DPP10: variants seen among roughly 807,000 people sequenced by gnomAD.
DPP10 encodes the protein dipeptidyl peptidase like 10.
DPP10 carries 33 observed loss-of-function variants against 120.9 expected under a neutral mutation model. The observed-to-expected ratio is 0.27, with a 90% CI of 0.21 to 0.37. The LOEUF is 0.37. Among genes scored for constraint, DPP10 ranks in the 10% least tolerant of loss-of-function variants. The pLI is 1.00. For synonymous variants in DPP10, 337 were observed against 326.1 expected (o/e 1.03, Z -0.36); for missense variants, 816 against 942.8 (o/e 0.87, Z 1.76).
At chr2:115,708,863 G>C (rs75405336) in intron 7 of DPP10, among the ~76,000 whole-genome samples, 1 of 151,846 alleles carries the variant, frequency 6.6e-6, no homozygotes, top group Non-Finnish European at 1.5e-5. Flanking sequence ...ACTACACCTG[G>C]ATATGATGAA....
chr2:115,780,501 T>C (rs1344737204), intron 15 of DPP10, among the ~76,000 whole-genome samples: 2 of 151,850 alleles, frequency 1.3e-5, no homozygotes, highest in African/African-American at 4.8e-5. Flanking sequence ...GTATTAAACA[T>C]TGAATAATCT....
At chr2:114,958,657 A>G (rs1480995427) in intron 1 of DPP10, among the ~76,000 whole-genome samples, 1 of 152,186 alleles carries the variant, frequency 6.6e-6, no homozygotes, top group Non-Finnish European at 1.5e-5. Context: ...TACAATTATT[A>G]TTTGTAAATT....
chr2:114,626,324 A>T (rs1221148944), intron 1 of DPP10, among the ~76,000 whole-genome samples: 3 of 152,066 alleles, frequency 2.0e-5, no homozygotes, highest in Non-Finnish European at 4.4e-5. Flanking sequence ...AATCATTTGC[A>T]ATAGTTCTTC....
intron 1 of DPP10, among the ~76,000 whole-genome samples, chr2:115,019,933 A>G (rs1328068299): frequency 2.0e-5 from 3 of 152,356 alleles, no homozygotes; most frequent in Non-Finnish European, 4.4e-5. Context: ...TAAATGAAGG[A>G]AAGATACAGT....
chr2:114,803,196 T>C (rs1202069612), intron 1 of DPP10, among the ~76,000 whole-genome samples: 1 of 152,218 alleles, frequency 6.6e-6, no homozygotes, highest in East Asian at 1.9e-4. Context: ...GTCACCACCA[T>C]GTAAGAAGTG....
intron 1 of DPP10, among the ~76,000 whole-genome samples, chr2:115,103,091 T>A: frequency 6.6e-6 from 1 of 152,120 alleles, no homozygotes; most frequent in South Asian, 2.1e-4. Flanking sequence ...CAGAAATAAC[T>A]TAATACATAA....
At chr2:115,230,997 A>G (rs1482914643) in intron 1 of DPP10, among the ~76,000 whole-genome samples, 1 of 152,032 alleles carries the variant, frequency 6.6e-6, no homozygotes, top group Admixed American at 6.6e-5. Context: ...ACAGATAAGA[A>G]AACACACTTC....
At chr2:114,751,393 C>T (rs1193145198) in intron 1 of DPP10, among the ~76,000 whole-genome samples, 3 of 152,198 alleles carry the variant, frequency 2.0e-5, no homozygotes, top group Admixed American at 2.0e-4. Flanking sequence ...GGTTTAAATG[C>T]TCAGCGTTCA....
chr2:114,589,403 C>T (rs1028429709), intron 1 of DPP10, among the ~76,000 whole-genome samples: 3 of 152,138 alleles, frequency 2.0e-5, no homozygotes, highest in South Asian at 2.1e-4. Flanking sequence ...ACAGATATAA[C>T]GTGAATTCTG....
chr2:115,480,049 A>C (rs2075333202), intron 3 of DPP10, among the ~76,000 whole-genome samples: 1 of 152,150 alleles, frequency 6.6e-6, no homozygotes, highest in African/African-American at 2.4e-5. Flanking sequence ...GCTGCAGGCC[A>C]TAACCAGGTC....
At chr2:115,675,300 A>C (rs1310314032) in intron 5 of DPP10, among the ~76,000 whole-genome samples, 7 of 152,208 alleles carry the variant, frequency 4.6e-5, no homozygotes, top group Non-Finnish European at 1.0e-4. Flanking sequence ...CATATTAATT[A>C]AAAACCTGAA....
At chr2:115,817,020 G>A (rs915648046) in intron 21 of DPP10, among the ~76,000 whole-genome samples, 3 of 151,480 alleles carry the variant, frequency 2.0e-5, no homozygotes, top group Non-Finnish European at 4.4e-5. Flanking sequence ...AGGCCAAGGC[G>A]GGAGGATCAT....
intron 7 of DPP10, among the ~76,000 whole-genome samples, chr2:115,721,789 G>C (rs1474329728): frequency 6.6e-6 from 1 of 152,140 alleles, no homozygotes; most frequent in Admixed American, 6.6e-5. Context: ...GAATCTCAAA[G>C]AGTTATTAGC....
chr2:115,221,363 G>C (rs1377817800), intron 1 of DPP10, among the ~76,000 whole-genome samples: 1 of 152,064 alleles, frequency 6.6e-6, no homozygotes, highest in Non-Finnish European at 1.5e-5. Flanking sequence ...ATTCAGGTTT[G>C]TTGCTTTTGC....
intron 5 of DPP10, among the ~76,000 whole-genome samples, chr2:115,571,067 G>A (rs975678584): frequency 2.0e-5 from 3 of 152,196 alleles, no homozygotes; most frequent in Non-Finnish European, 4.4e-5. Flanking sequence ...AAGAAGCCAG[G>A]ACGAGTTCCT....
At chr2:115,466,364 T>TG in intron 3 of DPP10, among the ~76,000 whole-genome samples, 1 of 152,174 alleles carries the variant, frequency 6.6e-6, no homozygotes, top group East Asian at 1.9e-4. Context: ...GAACACAATT[T>TG]GAGAAATGTT....
intron 1 of DPP10, among the ~76,000 whole-genome samples, chr2:115,116,628 G>C (rs2049520504): frequency 6.6e-6 from 1 of 152,118 alleles, no homozygotes; most frequent in Non-Finnish European, 1.5e-5. Context: ...AGATTCCATA[G>C]AGAAAACCTT....
chr2:115,522,644 A>G (rs1167089564), intron 4 of DPP10, among the ~76,000 whole-genome samples: 1 of 152,220 alleles, frequency 6.6e-6, no homozygotes, highest in Admixed American at 6.5e-5. Context: ...GAATGTACAT[A>G]GATGGCAGGA....
At chr2:115,770,804 TATC>T (rs1681368988) in intron 13 of DPP10, among the ~76,000 whole-genome samples, 1 of 152,096 alleles carries the variant, frequency 6.6e-6, no homozygotes, top group African/African-American at 2.4e-5. Flanking sequence ...TCACCCACAA[TATC>T]ATCACCTCAT....
Sources: allele counts gnomAD v4.1 joint callset (sites outside exome capture counted in the v4.1 genomes callset), GRCh38; gene constraint gnomAD v4.1.1; transcripts MANE v1.5; gene names NCBI Gene and HGNC (gene_info 2026-07-23, HGNC 2026-07-21).